The following PDLIM1 variants were observed in gnomAD, a reference collection of about 807,000 sequenced individuals.
The protein encoded by PDLIM1 is PDZ and LIM domain protein 1.
PDLIM1 carries 25 observed loss-of-function variants against 35.2 expected under a neutral mutation model. The ratio of observed to expected loss-of-function variants is 0.71; its 90% CI spans 0.52 to 0.99. The LOEUF (loss-of-function observed/expected upper bound fraction) is 0.99, where lower values mean the gene tolerates loss of function less well. Among genes scored for constraint, PDLIM1 ranks in the 50% least tolerant of loss-of-function variants. PDLIM1 has a pLI of 0.00. For synonymous variants in PDLIM1, 152 were observed against 154.0 expected, an observed-to-expected ratio of 0.99 and a Z score of 0.10; for missense variants, 363 against 415.3, an observed-to-expected ratio of 0.87 and a Z score of 1.09.
intron 1 of PDLIM1, among the ~76,000 whole-genome samples, chr10:95,288,749 A>C (rs2035623806): frequency 6.6e-6 from 1 of 152,146 alleles, no homozygotes; most frequent in African/African-American, 2.4e-5. Flanking sequence ...GAAACAAATA[A>C]ATTACTGTCA....
Position 95,263,985 on chromosome 10 carries a change from T to C in PDLIM1, c.412A>G (p.Arg138Gly). Residue 138 changes from arginine to glycine, a missense_variant, in exon 4 of 7, where the codon AGG becomes GGG. Transcript: ENST00000329399. ...TTGTTGTACTGGTTTGTGATGACCCTGGCAGTAGTGCTGGAGGCAGGCGAG... is the reference window on the plus strand; with the variant it reads ...TTGTTGTACTGGTTTGTGATGACCCCGGCAGTAGTGCTGGAGGCAGGCGAG... ...TASPASSTTA[R>G]VITNQYNNPA... 2 of 1,613,884 alleles carry C rather than the reference T, an allele frequency of 1.2e-6. No individual in the cohort carries two copies. The highest frequency in any genetic ancestry group is 1.7e-6 in the Non-Finnish European group (2 of 1,179,896).
chr10:95,270,076 A>G (rs1180536806), intron 2 of PDLIM1, among the ~76,000 whole-genome samples: 1 of 152,164 alleles, frequency 6.6e-6, no homozygotes, highest in East Asian at 1.9e-4. Flanking sequence ...TATGCCAGAT[A>G]TACAAGATGT....
In PDLIM1 at chr10:95,237,996, A is replaced by G. The variant is rs2035141225; in HGVS notation, c.919T>C (p.Cys307Arg). 3 of 1,614,176 alleles carry G rather than the reference A, an allele frequency of 1.9e-6. No individual in the cohort carries two copies. Among genetic ancestry groups the G allele is most frequent in the Non-Finnish European group, 2.5e-6 (3 of 1,180,024 alleles). The change falls in exon 7 of 7, where the codon TGT becomes CGT. Residue 307 changes from cysteine (C) to arginine (R), a missense_variant. By Grantham distance (180) the Cys-to-Arg change is radical (BLOSUM62 -3). Coordinates refer to ENST00000329399, the MANE Select transcript of PDLIM1 (RefSeq NM_020992.4). ...GHFFVEDQIY[C>R]EKHARERVTP... ...ACTCGCTCCCGGGCATGCTTCTCAC[A>G]GTAGATTTGATCCTCCACAAAGAAA...
At chr10:95,257,539 G>A (rs1414674383) in intron 4 of PDLIM1, among the ~76,000 whole-genome samples, 1 of 152,028 alleles carries the variant, frequency 6.6e-6, no homozygotes, top group African/African-American at 2.4e-5. Flanking sequence ...TGATTAACAA[G>A]CATATGAAAA....
chr10:95,260,241 A>G (rs558449717), intron 4 of PDLIM1, among the ~76,000 whole-genome samples: 1 of 152,334 alleles, frequency 6.6e-6, no homozygotes, highest in African/African-American at 2.4e-5. Flanking sequence ...GAGATGTTAC[A>G]TGGTTTTCCC....
rs112472703 is a variant in PDLIM1, at chr10:95,290,215, G to A, written c.96+605C>T. Among the ~76,000 whole-genome samples, 74 of 152,250 alleles carry A rather than the reference G, an allele frequency of 4.9e-4. 1 individual carries two copies. The highest frequency in any genetic ancestry group is 1.6e-3 in the African/African-American group (66 of 41,534). On this transcript the variant is annotated intron_variant, in intron 1 of 6. Transcript: ENST00000329399. The surrounding 1 kb of genome is among the most constrained non-coding windows in gnomAD (Gnocchi z 4.7). The stretch of plus-strand genomic sequence containing the variant: ...TGACGGCGGGGCCACGTTCTGCAGA[G>A]GGGAGAATGACCAAGAGGGTTTACT...
At chr10:95,247,831 T>C (rs1227720345) in intron 4 of PDLIM1, among the ~76,000 whole-genome samples, 1 of 152,232 alleles carries the variant, frequency 6.6e-6, no homozygotes, top group Non-Finnish European at 1.5e-5. Flanking sequence ...GCTTTCCCTG[T>C]CTATAAATAC....
At chr10:95,266,699 A>C (rs2035420051) in intron 3 of PDLIM1, among the ~76,000 whole-genome samples, 1 of 152,152 alleles carries the variant, frequency 6.6e-6, no homozygotes, top group African/African-American at 2.4e-5. Flanking sequence ...TTAGAATGGA[A>C]GTCAATGGAA....
chr10:95,281,177 A>G (rs555513423), intron 1 of PDLIM1, among the ~76,000 whole-genome samples: 25 of 152,158 alleles, frequency 1.6e-4, no homozygotes, highest in Non-Finnish European at 3.4e-4. Context: ...TCCTCCAGAA[A>G]CACCTTCAAG....
At chr10:95,263,481 C>G (rs2035383698) in intron 4 of PDLIM1, among the ~76,000 whole-genome samples, 1 of 91,596 alleles carries the variant, frequency 1.1e-5, no homozygotes, top group African/African-American at 3.2e-5. Flanking sequence ...TCTAGATTCC[C>G]TCAAACACTC....
chr10:95,250,699 G>A (rs188186202), intron 4 of PDLIM1, among the ~76,000 whole-genome samples: 2 of 152,230 alleles, frequency 1.3e-5, no homozygotes, highest in African/African-American at 4.8e-5. Flanking sequence ...AAGTTTTGAC[G>A]GCGTAACAGT....
At position 95,263,979 on chromosome 10, in the gene PDLIM1, T is replaced by C. The variant is rs775753064; in HGVS notation, c.418A>G (p.Ile140Val). The change falls in exon 4 of 7, where the codon ATC (isoleucine) becomes GTC (valine). Residue 140 changes from isoleucine (I) to valine (V), a missense_variant. Coordinates refer to ENST00000329399, the MANE Select transcript of PDLIM1 (RefSeq NM_020992.4). ...GCTGGGTTGTTGTACTGGTTTGTGA[T>C]GACCCTGGCAGTAGTGCTGGAGGCA... is the stretch of plus-strand genomic sequence containing the variant. ...SPASSTTARV[I>V]TNQYNNPAGL... The C allele has an allele frequency of 1.2e-6, 2 of 1,613,912 alleles. No individual in the cohort carries two copies. The highest frequency in any genetic ancestry group is 2.2e-5 in the South Asian group (2 of 91,070).
intron 1 of PDLIM1, among the ~76,000 whole-genome samples, chr10:95,278,358 A>G (rs1447868300): frequency 1.3e-5 from 2 of 152,180 alleles, no homozygotes; most frequent in South Asian, 2.1e-4. Flanking sequence ...CAGAAATGTG[A>G]GCTATTGTTT....
intron 1 of PDLIM1, among the ~76,000 whole-genome samples, chr10:95,275,866 T>A (rs2035506695): frequency 6.6e-6 from 1 of 152,100 alleles, no homozygotes; most frequent in African/African-American, 2.4e-5. Context: ...GGTCTGGTCA[T>A]CCTATCTTTC....
At chr10:95,288,495 G>A (rs765105524) in intron 1 of PDLIM1, among the ~76,000 whole-genome samples, 1 of 151,900 alleles carries the variant, frequency 6.6e-6, no homozygotes, top group East Asian at 1.9e-4. Flanking sequence ...CACTATTTAC[G>A]GAGCACTCTC....
chr10:95,284,107 T>G (rs1168202159), intron 1 of PDLIM1, among the ~76,000 whole-genome samples: 1 of 151,962 alleles, frequency 6.6e-6, no homozygotes, highest in Non-Finnish European at 1.5e-5. Flanking sequence ...ACTTATCTAT[T>G]CTATTGCTGT....
rs747471017 is a variant in PDLIM1 at position 95,263,839 on chromosome 10, AGAG to A, written c.533+22_533+24del. ...GAAAAGCCCCTCCCAGGAGCGGCTC[AGAG>A]GAGGACTCCTGGGCTACTTACGGTC... On this transcript the variant is annotated intron_variant, in intron 4 of 6. Coordinates refer to ENST00000329399, the MANE Select transcript of PDLIM1 (RefSeq NM_020992.4). 3.8e-5 allele frequency: 60 copies of A among 1,584,512 alleles called. No individual in the cohort carries two copies. In the African/African-American group the frequency reaches 7.1e-4, roughly 19 times the overall value.
At chr10:95,276,633 A>T (rs776115996) in intron 1 of PDLIM1, among the ~76,000 whole-genome samples, 1 of 152,198 alleles carries the variant, frequency 6.6e-6, no homozygotes, top group Non-Finnish European at 1.5e-5. Flanking sequence ...ACCAAGCATG[A>T]CAAAGTCTTT....
chr10:95,285,097 C>T (rs1260237839), intron 1 of PDLIM1, among the ~76,000 whole-genome samples: 1 of 152,236 alleles, frequency 6.6e-6, no homozygotes, highest in Non-Finnish European at 1.5e-5. Flanking sequence ...TCCTATCCCC[C>T]ACAAGCAGGT....
Sources: allele counts gnomAD v4.1 joint callset (sites outside exome capture counted in the v4.1 genomes callset), GRCh38; gene constraint gnomAD v4.1.1; non-coding constraint Gnocchi (gnomAD v3.1); transcripts MANE v1.5; gene names NCBI Gene and HGNC (gene_info 2026-07-23, HGNC 2026-07-21).